The following SMARCE1 variants were observed in gnomAD, a reference collection of about 807,000 sequenced individuals.
SMARCE1 encodes SWI/SNF related BAF chromatin remodeling complex subunit E1.
A neutral mutation model predicts 54.9 loss-of-function variants in SMARCE1; 13 were observed. That is an observed-to-expected ratio of 0.24 (90% CI 0.15 to 0.38). The LOEUF is 0.38. Among genes scored for constraint, SMARCE1 ranks in the 10% least tolerant of loss-of-function variants. The pLI is 1.00. For missense variants in SMARCE1, 295 were observed against 523.8 expected (o/e 0.56, Z 4.26); for synonymous variants, 151 against 175.3 (o/e 0.86, Z 1.10).
At chr17:40,645,679 A>AT in intron 2 of SMARCE1, 60 bp from the exon 3 acceptor site, 1 of 1,274,924 alleles carries the variant, frequency 7.8e-7, no homozygotes, top group Non-Finnish European at 1.1e-6. Context: ...CTATGCAACA[A>AT]AACTACCAAT....
chr17:40,636,853 G>A lies in SMARCE1; in HGVS notation c.238-327C>T, dbSNP rs76095746. 4.6e-3 allele frequency: 846 copies of A among 184,760 alleles called. 6 individuals carry two copies. Among genetic ancestry groups the A allele is most frequent in the African/African-American group, 0.019 (802 of 42,344 alleles). The allele number at this position is 184,760 out of a possible 1,614,324, so 11.4% of individuals were successfully genotyped here. On this transcript the variant is annotated intron_variant, in intron 5 of 10. Coordinates refer to ENST00000348513, the MANE Select transcript of SMARCE1 (RefSeq NM_003079.5). ...ATAGTCTACGTCTCTAAAAGTTCATGTGAATTTAGAAGAAAAGTGCTTAAT... is the reference window on the plus strand; with the variant it reads ...ATAGTCTACGTCTCTAAAAGTTCATATGAATTTAGAAGAAAAGTGCTTAAT...
rs962334190 is a variant in SMARCE1 at position 40,637,375 on chromosome 17, T to A, written c.237+117A>T. ...AATTGCTTTAAAAACCGTATTTTTT[T>A]GGACCTTTCCTCTGAATATGCACAG... On this transcript the variant is annotated intron_variant, in intron 5 of 10. Coordinates refer to ENST00000348513, the MANE Select transcript of SMARCE1 (RefSeq NM_003079.5). 16 of 828,170 alleles carry A rather than the reference T, an allele frequency of 1.9e-5. No homozygotes were observed. In the African/African-American group the frequency reaches 2.4e-4, roughly 12 times the overall value. 51.3% of individuals were successfully genotyped at this position (828,170 alleles called of 1,614,324 possible).
chr17:40,642,563 A>AT lies in SMARCE1; in HGVS notation c.52-5dup. On this transcript the variant is annotated splice_polypyrimidine_tract_variant and splice_region_variant and intron_variant, in intron 3 of 10. Coordinates refer to ENST00000348513, the MANE Select transcript of SMARCE1 (RefSeq NM_003079.5). This position sits in a 1 kb window ranked among gnomAD's most constrained non-coding sequence, Gnocchi z 4.6. ...ACCCTGGTGTGCTGGGCATTTGCTG[A>AT]TGGAAACAAATGAGACAAAAACACG... 1 of 1,530,690 alleles carries AT rather than the reference A, an allele frequency of 6.5e-7. No homozygotes were observed. The highest frequency in any genetic ancestry group is 1.1e-5 in the South Asian group (1 of 87,122). 94.8% of individuals were successfully genotyped at this position (1,530,690 alleles called of 1,614,324 possible). A position where few individuals can be genotyped will look rare whatever the true frequency, so the allele number is the denominator to read the frequency against.
At position 40,645,791 on chromosome 17, in the gene SMARCE1, C is replaced by A; in HGVS notation, c.7+5G>T. On this transcript the variant is annotated splice_donor_5th_base_variant and intron_variant, in intron 2 of 10. Coordinates refer to ENST00000348513, the MANE Select transcript of SMARCE1 (RefSeq NM_003079.5). ...AGATTGATAAATATAAAAATTGAAA[C>A]TTACTTGACATTTTGGAAGATTAAG... 1 of 1,176,306 alleles carries A rather than the reference C, an allele frequency of 8.5e-7. No individual in the cohort carries two copies. The highest frequency in any genetic ancestry group is 1.2e-6 in the Non-Finnish European group (1 of 868,146). The allele number at this position is 1,176,306 out of a possible 1,614,324, so 72.9% of individuals were successfully genotyped here. A position where few individuals can be genotyped will look rare whatever the true frequency, so the allele number is the denominator to read the frequency against.
rs1467624733 is a variant in SMARCE1 at position 40,630,792 on chromosome 17, T to C, written c.949A>G (p.Ser317Gly). Residue 317 changes from serine (S) to glycine (G), a missense_variant, in exon 10 of 11, where the codon AGC becomes GGC. By Grantham distance (56) the Ser-to-Gly change is moderately conservative. This residue lies in a region of SMARCE1 where 147 missense variants were observed against 161.4 expected (regional missense o/e 0.91). Coordinates refer to ENST00000348513, the MANE Select transcript of SMARCE1 (RefSeq NM_003079.5). ...GCTTGTTCTTCCTCAGGAACGATGC[T>C]GCTCTGACTGCGCTCAGCTTGCTCT... Reference protein sequence around the residue: ...AAEQAERSQSSIVPEEEQAAN... With the variant: ...AAEQAERSQSGIVPEEEQAAN... 1.2e-6 allele frequency: 2 copies of C among 1,614,162 alleles called. No individual in the cohort carries two copies. Among genetic ancestry groups the C allele is most frequent in the Non-Finnish European group, 1.7e-6 (2 of 1,180,034 alleles).
intron 4 of SMARCE1, among the ~76,000 whole-genome samples, chr17:40,640,335 T>C (rs1180193370): frequency 2.0e-5 from 3 of 152,202 alleles, no homozygotes; most frequent in South Asian, 2.1e-4. Flanking sequence ...TTCCATCTTG[T>C]AGCTATCATA....
intron 4 of SMARCE1, chr17:40,640,176 C>G (rs1567848312): frequency 1.3e-5 from 2 of 152,146 alleles, no homozygotes; most frequent in African/African-American, 4.8e-5. Context: ...CTAGCAAGAA[C>G]TTATTTAAGA....
intron 3 of SMARCE1, chr17:40,645,199 A>C: frequency 3.0e-6 from 1 of 329,382 alleles, no homozygotes; most frequent in Non-Finnish European, 5.4e-6. Context: ...AGAAAAACAT[A>C]ACCAGTTGAA....
intron 7 of SMARCE1, chr17:40,634,989 A>G (rs2037131678): frequency 6.6e-6 from 1 of 152,126 alleles, no homozygotes; most frequent in Non-Finnish European, 1.5e-5. Flanking sequence ...TGTATTTATG[A>G]GAACATTTGA....
intron 1 of SMARCE1, 27 bp from the exon 2 acceptor site, chr17:40,645,874 AAAG>A (rs2037250160): frequency 4.2e-6 from 3 of 718,096 alleles, no homozygotes; most frequent in South Asian, 3.8e-5. Flanking sequence ...AGGAAAAAAA[AAAG>A]AGAATCAAAA....
rs1316551003 is a variant in SMARCE1 at position 40,627,095 on chromosome 17, A to G, written c.*1690T>C. On this transcript the variant is annotated 3_prime_UTR_variant, in exon 11 of 11. Transcript: ENST00000348513. ...ATTTTGACTACTAGAAAATGTATCA[A>G]AGAGGCTGTCCAATTTGTCTGAGAT... The G allele has an allele frequency of 6.6e-6, 1 of 152,248 alleles. No homozygotes were observed. The highest frequency in any genetic ancestry group is 2.4e-5 in the African/African-American group (1 of 41,458). 9.4% of individuals were successfully genotyped at this position (152,248 alleles called of 1,614,324 possible).
Position 40,628,666 on chromosome 17 carries a change from T to A in SMARCE1, c.*119A>T. On this transcript the variant is annotated 3_prime_UTR_variant, in exon 11 of 11. Transcript: ENST00000348513. ...CATGATGCTAAATGGTCCAAAAGCC[T>A]TTGGTGGTGTGATATGGACAAGAAA... 1.4e-6 allele frequency: 1 copy of A among 732,548 alleles called. No individual in the cohort carries two copies. Among genetic ancestry groups the A allele is most frequent in the South Asian group, 1.7e-5 (1 of 57,634 alleles). 45.4% of individuals were successfully genotyped at this position (732,548 alleles called of 1,614,324 possible).
chr17:40,647,778 G>A lies in SMARCE1; in HGVS notation c.-51C>T, dbSNP rs1014700080. On this transcript the variant is annotated 5_prime_UTR_variant, in exon 1 of 11. Transcript: ENST00000348513. ...TCCCACTTGGAAACACTCACCCGCG[G>A]GCAGAAAAAGCGCCCGCAGCTCCGG... is the stretch of plus-strand genomic sequence containing the variant. The A allele has an allele frequency of 2.6e-5, 4 of 153,534 alleles. No individual in the cohort carries two copies. Among genetic ancestry groups the A allele is most frequent in the African/African-American group, 7.2e-5 (3 of 41,432 alleles). 9.5% of individuals were successfully genotyped at this position (153,534 alleles called of 1,614,324 possible).
chr17:40,630,189 T>C, intron 10 of SMARCE1: 1 of 1,149,420 alleles, frequency 8.7e-7, no homozygotes, highest in Non-Finnish European at 1.3e-6. Flanking sequence ...TTATACAAGT[T>C]ATTATTATTA....
chr17:40,628,083 T>C lies in SMARCE1; in HGVS notation c.*702A>G, dbSNP rs2037053228. The C allele has an allele frequency of 6.5e-6, 1 of 152,784 alleles. No individual in the cohort carries two copies. Among genetic ancestry groups the C allele is most frequent in the Non-Finnish European group, 1.5e-5 (1 of 68,042 alleles). The allele number at this position is 152,784 out of a possible 1,614,324, so 9.5% of individuals were successfully genotyped here. On this transcript the variant is annotated 3_prime_UTR_variant, in exon 11 of 11. Transcript: ENST00000348513. ...AACCTGGTAAAAAAGTAATTTTTTT[T>C]CTATACAATAAGGATGGATTTACCA...
Position 40,642,460 on chromosome 17 carries a change from C to A in SMARCE1, c.151G>T (p.Val51Phe). 6.3e-7 allele frequency: 1 copy of A among 1,587,822 alleles called. No homozygotes were observed. The highest frequency in any genetic ancestry group is 8.6e-7 in the Non-Finnish European group (1 of 1,156,186). ...GTAATAGTTGATTCTCCTACCGTGACCCGGCTGTTGGTGCCCGGGTTCCCT... is the reference window on the plus strand; with the variant it reads ...GTAATAGTTGATTCTCCTACCGTGAACCGGCTGTTGGTGCCCGGGTTCCCT... ...LGGNPGTNSR[V>F]TASSGITIPK... The change falls in exon 4 of 11, where the codon GTC (valine) becomes TTC (phenylalanine). Residue 51 changes from valine (V) to phenylalanine (F), a missense_variant. Transcript: ENST00000348513. The surrounding 1 kb of genome is among the most constrained non-coding windows in gnomAD (Gnocchi z 4.6).
chr17:40,643,562 G>C (rs894927078), intron 3 of SMARCE1: 1 of 152,184 alleles, frequency 6.6e-6, no homozygotes, highest in Non-Finnish European at 1.5e-5. Flanking sequence ...AAAGAATATA[G>C]TAGAGAGAGA....
chr17:40,643,089 T>C (rs1243803682), intron 3 of SMARCE1: 1 of 152,266 alleles, frequency 6.6e-6, no homozygotes, highest in Non-Finnish European at 1.5e-5. Context: ...TTTTATATAA[T>C]GTGAGAAATG....
intron 3 of SMARCE1, 79 bp downstream of exon 3, chr17:40,645,497 G>T: frequency 2.6e-6 from 2 of 765,382 alleles, no homozygotes; most frequent in Non-Finnish European, 4.2e-6. Flanking sequence ...ATGATTGAGT[G>T]ACTGTCACTG....
Sources: allele counts gnomAD v4.1 joint callset (sites outside exome capture counted in the v4.1 genomes callset), GRCh38; gene constraint gnomAD v4.1.1; regional missense constraint gnomAD v4.1.1; non-coding constraint Gnocchi (gnomAD v3.1); transcripts MANE v1.5; gene names NCBI Gene and HGNC (gene_info 2026-07-23, HGNC 2026-07-21).